Variants in CTNNA3 observed in about 807,000 individuals in gnomAD.
CTNNA3 encodes catenin alpha-3.
A neutral mutation model predicts 95.7 loss-of-function variants in CTNNA3; 76 were observed. That is an observed-to-expected ratio of 0.79 (90% CI 0.66 to 0.96). CTNNA3 has a LOEUF of 0.96. CTNNA3 is among the 40% of genes least tolerant of loss of function. The pLI is 0.00. For synonymous variants in CTNNA3, 431 were observed against 374.4 expected (o/e 1.15, Z -1.74); for missense variants, 1,191 against 1,089.8 (o/e 1.09, Z -1.31).
chr10:66,454,493 G>A (rs1367243660), intron 11 of CTNNA3, among the ~76,000 whole-genome samples: 3 of 151,982 alleles, frequency 2.0e-5, no homozygotes, highest in African/African-American at 7.2e-5. Context: ...TAAATAAAAA[G>A]AACCAAACAC....
At chr10:67,731,091 G>T (rs1841270928) in intron 1 of CTNNA3, among the ~76,000 whole-genome samples, 1 of 152,066 alleles carries the variant, frequency 6.6e-6, no homozygotes, top group African/African-American at 2.4e-5. Context: ...TCAAGAAATA[G>T]TTGTATAAAA....
intron 7 of CTNNA3, among the ~76,000 whole-genome samples, chr10:66,797,881 T>C (rs1287545234): frequency 6.6e-6 from 1 of 151,930 alleles, no homozygotes; most frequent in Non-Finnish European, 1.5e-5. Context: ...AATTCCTATT[T>C]CCTATCTCAT....
At chr10:67,486,123 A>G (rs1205152226) in intron 5 of CTNNA3, among the ~76,000 whole-genome samples, 4 of 152,236 alleles carry the variant, frequency 2.6e-5, no homozygotes, top group Admixed American at 6.5e-5. Flanking sequence ...GATGAGGCAC[A>G]GAAGGAGTCT....
intron 7 of CTNNA3, among the ~76,000 whole-genome samples, chr10:67,126,102 G>T (rs1351267546): frequency 2.0e-5 from 3 of 152,200 alleles, no homozygotes; most frequent in Non-Finnish European, 4.4e-5. Context: ...AAAAGACATT[G>T]TGGAAAAGAG....
intron 1 of CTNNA3, among the ~76,000 whole-genome samples, chr10:67,731,931 T>A (rs1841277107): frequency 2.3e-5 from 2 of 86,696 alleles, no homozygotes; most frequent in Admixed American, 1.9e-4. Flanking sequence ...CGGCTAATTT[T>A]TTTTGTTTTT....
intron 7 of CTNNA3, among the ~76,000 whole-genome samples, chr10:67,082,900 GC>G (rs1374479139): frequency 6.6e-6 from 1 of 152,090 alleles, no homozygotes; most frequent in Non-Finnish European, 1.5e-5. Flanking sequence ...TTGACTAGAA[GC>G]CACCCACCTC....
chr10:67,073,304 C>T (rs958770573), intron 7 of CTNNA3, among the ~76,000 whole-genome samples: 1 of 152,138 alleles, frequency 6.6e-6, no homozygotes, highest in Non-Finnish European at 1.5e-5. Context: ...TTGACTCTCC[C>T]ATATTTTCCA....
intron 5 of CTNNA3, among the ~76,000 whole-genome samples, chr10:67,496,772 G>T (rs987988379): frequency 3.9e-5 from 6 of 152,054 alleles, no homozygotes; most frequent in Non-Finnish European, 7.4e-5. Flanking sequence ...AATACAAATT[G>T]TATTTCTCAT....
intron 17 of CTNNA3, among the ~76,000 whole-genome samples, chr10:65,966,348 C>A (rs909634964): frequency 6.6e-6 from 1 of 152,182 alleles, no homozygotes; most frequent in Admixed American, 6.5e-5. Context: ...AATTAACATG[C>A]ATTTCTTATC....
chr10:66,079,588 T>C (rs2080667739), intron 14 of CTNNA3, among the ~76,000 whole-genome samples: 1 of 151,972 alleles, frequency 6.6e-6, no homozygotes, highest in African/African-American at 2.4e-5. Context: ...ATTTGAAAAT[T>C]TCATTCTATC....
Position 66,016,163 on chromosome 10 carries a change from CAA to C in CTNNA3, c.2160-27368_2160-27367del, listed in dbSNP as rs539142206. On this transcript the variant is annotated intron_variant, in intron 15 of 17. Transcript: ENST00000433211. ...AATAGTTGGGAGATGCCTAAGGACA[CAA>C]AGAGATAATAACCAGTTAATCAACT... is the stretch of plus-strand genomic sequence containing the variant. Among the ~76,000 whole-genome samples, 783 of 152,254 alleles carry C rather than the reference CAA, an allele frequency of 5.1e-3. 2 individuals carry two copies. The highest frequency in any genetic ancestry group is 7.4e-3 in the Non-Finnish European group (502 of 68,028).
upstream of CTNNA3, among the ~76,000 whole-genome samples, chr10:67,697,113 T>C (rs1040227368): frequency 1.3e-5 from 2 of 152,226 alleles, no homozygotes; most frequent in East Asian, 1.9e-4. Context: ...GAATCAACTA[T>C]GAAAGGAGTT....
chr10:67,585,619 A>G (rs187614908), intron 3 of CTNNA3, among the ~76,000 whole-genome samples: 236 of 152,174 alleles, frequency 1.6e-3, no homozygotes, highest in African/African-American at 5.5e-3. Flanking sequence ...GTGTGTGAGT[A>G]TATCAATATT....
chr10:66,344,946 T>C (rs760552331), intron 12 of CTNNA3, among the ~76,000 whole-genome samples: 4 of 152,110 alleles, frequency 2.6e-5, no homozygotes, highest in Admixed American at 6.5e-5. Context: ...ACAAAAATTC[T>C]AGTCCTTCAT....
chr10:67,090,883 G>T (rs1328034450), intron 7 of CTNNA3, among the ~76,000 whole-genome samples: 2 of 151,984 alleles, frequency 1.3e-5, no homozygotes, highest in Non-Finnish European at 2.9e-5. Context: ...GACCCAAGCT[G>T]CAGTGTGATA....
chr10:66,653,654 G>C (rs1307585783), intron 9 of CTNNA3, among the ~76,000 whole-genome samples: 1 of 151,968 alleles, frequency 6.6e-6, no homozygotes, highest in Non-Finnish European at 1.5e-5. Context: ...AAGCAATCTT[G>C]AGCCAAAATA....
At chr10:66,643,568 A>G (rs566114652) in intron 9 of CTNNA3, among the ~76,000 whole-genome samples, 15 of 152,310 alleles carry the variant, frequency 9.8e-5, no homozygotes, top group African/African-American at 3.1e-4. Context: ...TATCTAGCAT[A>G]AACATCAATC....
intron 7 of CTNNA3, among the ~76,000 whole-genome samples, chr10:66,862,951 T>C (rs1377707205): frequency 6.6e-6 from 1 of 152,140 alleles, no homozygotes; most frequent in Non-Finnish European, 1.5e-5. Flanking sequence ...TGACTACCTG[T>C]GAATTGAGAC....
chr10:67,049,726 T>G (rs1464520341), intron 7 of CTNNA3, among the ~76,000 whole-genome samples: 2 of 152,198 alleles, frequency 1.3e-5, no homozygotes, highest in Non-Finnish European at 2.9e-5. Context: ...AACTGCCTAT[T>G]CGGCCTCAGT....
Sources: allele counts gnomAD v4.1 joint callset (sites outside exome capture counted in the v4.1 genomes callset), GRCh38; gene constraint gnomAD v4.1.1; transcripts MANE v1.5; gene names NCBI Gene and HGNC (gene_info 2026-07-23, HGNC 2026-07-21).